The following SRFBP1 variants were observed in gnomAD, a reference collection of about 807,000 sequenced individuals.
SRFBP1 encodes serum response factor-binding protein 1.
A neutral mutation model predicts 45.5 loss-of-function variants in SRFBP1; 47 were observed. That is an observed-to-expected ratio of 1.03 (90% CI 0.82 to 1.32). The LOEUF is 1.32. SRFBP1 is among the 40% of genes most tolerant of loss of function. The pLI, the probability that SRFBP1 is intolerant of heterozygous loss-of-function variation, is 0.00. For synonymous variants in SRFBP1, 203 were observed against 166.3 expected, an observed-to-expected ratio of 1.22 and a Z score of -1.70; for missense variants, 621 against 484.6, an observed-to-expected ratio of 1.28 and a Z score of -2.64.
intron 1 of SRFBP1, among the ~76,000 whole-genome samples, chr5:121,969,860 A>C (rs1362557803): frequency 6.6e-6 from 1 of 151,872 alleles, no homozygotes; most frequent in African/African-American, 2.4e-5. Flanking sequence ...CTTCTGTGTC[A>C]GCATATTTTA....
chr5:122,077,410 C>T, downstream of SRFBP1: 1 of 1,614,076 alleles, frequency 6.2e-7, no homozygotes, highest in Non-Finnish European at 8.5e-7. The surrounding 1 kb of genome is among the most constrained non-coding windows in gnomAD (Gnocchi z 4.9). Context: ...CAGGTCTGGG[C>T]CTTTCATAAG....
intron 2 of SRFBP1, among the ~76,000 whole-genome samples, chr5:122,036,955 C>T (rs1000653450): frequency 1.3e-5 from 2 of 150,130 alleles, no homozygotes; most frequent in Admixed American, 1.3e-4. Flanking sequence ...AGTGCAATGG[C>T]GTGATCTCGG....
At chr5:122,070,088 T>G (rs1754406872) in intron 2 of SRFBP1, 1 of 1,612,948 alleles carries the variant, frequency 6.2e-7, no homozygotes, top group Admixed American at 1.7e-5. Flanking sequence ...ACGCATGATG[T>G]CCTGTGTAGC....
At chr5:122,009,554 G>T (rs976582249) in intron 4 of SRFBP1, among the ~76,000 whole-genome samples, 3 of 152,182 alleles carry the variant, frequency 2.0e-5, no homozygotes, top group African/African-American at 7.2e-5. Flanking sequence ...AAAGCTCACA[G>T]GAAGTATTCC....
Position 122,020,105 on chromosome 5 carries a change from A to G in SRFBP1, c.370A>G (p.Lys124Glu), listed in dbSNP as rs1318649035. 1.3e-6 allele frequency: 2 copies of G among 1,568,862 alleles called. No individual in the cohort carries two copies. The highest frequency in any genetic ancestry group is 8.6e-7 in the Non-Finnish European group (1 of 1,161,600). ...TCTTGCAGCTGCTGTACAAGCCTTT[A>G]AAGAAGCAAGACAAAATGTTGCTGA... ...DVLKAAVQAF[K>E]EARQNVAEVE... The change falls in exon 6 of 8, where the codon AAA becomes GAA. Residue 124 changes from lysine (K) to glutamate (E), a missense_variant. Physicochemically the swap from Lys to Glu is moderately conservative, Grantham distance 56 (BLOSUM62 1). Coordinates refer to ENST00000339397, the MANE Select transcript of SRFBP1 (RefSeq NM_152546.3).
intron 1 of SRFBP1, among the ~76,000 whole-genome samples, chr5:121,966,281 A>G (rs1426887248): frequency 2.0e-5 from 3 of 152,168 alleles, no homozygotes; most frequent in African/African-American, 7.2e-5. Context: ...GTAAAGTAAA[A>G]ATTTATCTTT....
intron 3 of SRFBP1, among the ~76,000 whole-genome samples, chr5:121,989,048 T>C (rs977444424): frequency 3.4e-5 from 5 of 147,466 alleles, no homozygotes; most frequent in Non-Finnish European, 7.4e-5. Flanking sequence ...AAAAAAAAGA[T>C]ATTGGAATTT....
intron 2 of SRFBP1, among the ~76,000 whole-genome samples, chr5:122,037,598 G>A (rs1320700233): frequency 6.6e-6 from 1 of 152,050 alleles, no homozygotes; most frequent in Admixed American, 6.6e-5. Context: ...TGGACTCCTG[G>A]ACTCAAGGAA....
chr5:122,012,479 A>AT (rs1482784762), intron 4 of SRFBP1, among the ~76,000 whole-genome samples: 1 of 152,146 alleles, frequency 6.6e-6, no homozygotes. Flanking sequence ...TATGAAACAT[A>AT]TAACTAATGT....
At chr5:121,962,176 G>A (rs1227848381) in intron 1 of SRFBP1, 108 bp downstream of exon 1, 2 of 1,407,312 alleles carry the variant, frequency 1.4e-6, no homozygotes, top group Non-Finnish European at 9.9e-7. Flanking sequence ...AGGAACTTTC[G>A]TGGTGGGCCC....
chr5:122,022,294 C>A, intron 6 of SRFBP1, 76 bp from the exon 7 acceptor site: 1 of 1,283,258 alleles, frequency 7.8e-7, no homozygotes, highest in South Asian at 1.3e-5. Flanking sequence ...GTTTTATCAT[C>A]AATTTTGTTA....
At chr5:122,058,795 A>G (rs531713971) in intron 2 of SRFBP1, among the ~76,000 whole-genome samples, 1 of 152,188 alleles carries the variant, frequency 6.6e-6, no homozygotes, top group East Asian at 1.9e-4. Context: ...GCAGTGGTAA[A>G]TTTGTGATTC....
At chr5:121,975,456 G>A in intron 3 of SRFBP1, 69 bp downstream of exon 3, 2 of 1,540,320 alleles carry the variant, frequency 1.3e-6, no homozygotes, top group African/African-American at 2.7e-5. Context: ...TTTTGTTTGT[G>A]TGTGGTATTG....
chr5:122,046,383 T>G (rs1426611658), intron 2 of SRFBP1, among the ~76,000 whole-genome samples: 4 of 152,188 alleles, frequency 2.6e-5, no homozygotes, highest in African/African-American at 7.2e-5. Flanking sequence ...AACTCATCAG[T>G]TTTTATGGCT....
intron 4 of SRFBP1, among the ~76,000 whole-genome samples, chr5:122,009,144 C>T (rs546319578): frequency 1.1e-4 from 17 of 152,256 alleles, no homozygotes; most frequent in African/African-American, 4.1e-4. Context: ...ATTTAATTTG[C>T]ATTTTTCCAT....
intron 4 of SRFBP1, among the ~76,000 whole-genome samples, chr5:122,014,450 C>T (rs544385846): frequency 8.0e-4 from 122 of 152,128 alleles, no homozygotes; most frequent in Middle Eastern, 3.4e-3. Flanking sequence ...TTATGCAACA[C>T]GGTGGCCCTT....
intron 1 of SRFBP1, among the ~76,000 whole-genome samples, chr5:121,965,038 T>C (rs1486974346): frequency 2.0e-5 from 3 of 152,142 alleles, no homozygotes; most frequent in Admixed American, 6.5e-5. Context: ...TTTGATGGGG[T>C]TGTTTTTTTC....
chr5:122,059,803 C>T (rs949147741), intron 2 of SRFBP1, among the ~76,000 whole-genome samples: 2 of 152,076 alleles, frequency 1.3e-5, no homozygotes, highest in African/African-American at 2.4e-5. Context: ...AAGAGTGCAA[C>T]GTACCCTAAT....
chr5:122,002,735 T>C (rs1351303558), intron 4 of SRFBP1, among the ~76,000 whole-genome samples: 1 of 152,226 alleles, frequency 6.6e-6, no homozygotes, highest in Non-Finnish European at 1.5e-5. Flanking sequence ...GAAATTGTTG[T>C]AATTATGTGA....
Sources: gnomAD v4.1 joint callset for allele counts (sites outside exome capture counted in the v4.1 genomes callset) on GRCh38, gnomAD v4.1.1 for gene constraint, Gnocchi (gnomAD v3.1) non-coding constraint, MANE v1.5 for transcripts, NCBI Gene and HGNC (gene_info 2026-07-23, HGNC 2026-07-21) for gene names.